FGGY: variants seen among roughly 807,000 people sequenced by gnomAD.
The protein encoded by FGGY is FGGY carbohydrate kinase domain-containing protein.
Under a neutral mutation model 71.3 loss-of-function variants are expected in FGGY, and 72 were observed. That is an observed-to-expected ratio of 1.01 (90% CI 0.84 to 1.23). The LOEUF (loss-of-function observed/expected upper bound fraction) is 1.23, where lower values mean the gene tolerates loss of function less well. FGGY is among the 50% of genes most tolerant of loss of function. The pLI is 0.00. For synonymous variants in FGGY, 251 were observed against 250.3 expected (o/e 1.00, Z -0.02); for missense variants, 668 against 682.3 (o/e 0.98, Z 0.23).
chr1:59,678,684 G>A (rs918965802), intron 14 of FGGY, among the ~76,000 whole-genome samples: 3 of 152,132 alleles, frequency 2.0e-5, no homozygotes, highest in Non-Finnish European at 2.9e-5. Context: ...ATCTTCAGGG[G>A]CAGTTTTTAT....
chr1:59,554,337 C>A, intron 8 of FGGY, 110 bp downstream of exon 8: 2 of 755,642 alleles, frequency 2.6e-6, no homozygotes, highest in African/African-American at 1.7e-5. Context: ...CTTTTCCCTG[C>A]CTGCCCCTTG....
intron 8 of FGGY, among the ~76,000 whole-genome samples, chr1:59,560,188 C>A (rs1302480965): frequency 6.6e-6 from 1 of 152,204 alleles, no homozygotes; most frequent in East Asian, 1.9e-4. Flanking sequence ...ATCCCCCAAT[C>A]CTATAAGCCC....
chr1:59,547,808 A>G (rs2153697091), intron 7 of FGGY, among the ~76,000 whole-genome samples: 1 of 152,338 alleles, frequency 6.6e-6, no homozygotes, highest in South Asian at 2.1e-4. Flanking sequence ...TATTTAAGAC[A>G]CGGAGCCTTT....
intron 6 of FGGY, among the ~76,000 whole-genome samples, chr1:59,467,161 C>CTATG (rs2092685575): frequency 6.6e-6 from 1 of 152,118 alleles, no homozygotes; most frequent in Non-Finnish European, 1.5e-5. Context: ...CCATGGAATA[C>CTATG]TATGCAGCAA....
chr1:59,588,724 C>A lies in FGGY; in HGVS notation c.904-19079C>A, dbSNP rs552634770. Among the ~76,000 whole-genome samples the A allele has an allele frequency of 5.3e-4, 80 of 152,258 alleles. 3 individuals carry two copies. The South Asian group carries it at 0.016, about 30-fold the overall frequency. On this transcript the variant is annotated intron_variant, in intron 8 of 15. Transcript: ENST00000303721. ...AGTGAAGGAGAAATAAAATACTTTACAGACAAGCCAATGCTGAGAGATTTT... is the reference window on the plus strand; with the variant it reads ...AGTGAAGGAGAAATAAAATACTTTAAAGACAAGCCAATGCTGAGAGATTTT...
intron 14 of FGGY, among the ~76,000 whole-genome samples, chr1:59,687,932 C>T (rs1379193479): frequency 6.6e-6 from 1 of 151,818 alleles, no homozygotes; most frequent in Non-Finnish European, 1.5e-5. Flanking sequence ...GAATTCACTT[C>T]TCCTCCTCTC....
rs572348062 is a variant in FGGY, at chr1:59,581,781, G to T, written c.904-26022G>T. Among the ~76,000 whole-genome samples, 6 of 150,032 alleles carry T rather than the reference G, an allele frequency of 4.0e-5. No homozygotes were observed. In the East Asian group the frequency reaches 7.8e-4, roughly 19 times the overall value. On this transcript the variant is annotated intron_variant, in intron 8 of 15. Coordinates refer to ENST00000303721, the MANE Select transcript of FGGY (RefSeq NM_018291.5). Reference sequence around the variant, plus strand: ...TATAGATGAGAGAAAGTACATAAGTGGTTTACCCAGCTAGTAAGTAGCAGA... The same window carrying T: ...TATAGATGAGAGAAAGTACATAAGTTGTTTACCCAGCTAGTAAGTAGCAGA...
At chr1:59,519,988 G>A (rs2094778759) in intron 7 of FGGY, among the ~76,000 whole-genome samples, 1 of 152,184 alleles carries the variant, frequency 6.6e-6, no homozygotes, top group African/African-American at 2.4e-5. Flanking sequence ...CTGGGGAAAG[G>A]GAAATGGCAC....
chr1:59,494,406 G>A (rs886624161), intron 6 of FGGY, among the ~76,000 whole-genome samples: 1 of 152,152 alleles, frequency 6.6e-6, no homozygotes, highest in African/African-American at 2.4e-5. Flanking sequence ...CAGAGGCCCA[G>A]GGCTGGGAAT....
chr1:59,432,032 C>T (rs2067470351), intron 5 of FGGY, among the ~76,000 whole-genome samples: 1 of 152,154 alleles, frequency 6.6e-6, no homozygotes, highest in African/African-American at 2.4e-5. Flanking sequence ...CAGCCCTACT[C>T]CCCACATCCA....
intron 9 of FGGY, among the ~76,000 whole-genome samples, chr1:59,612,203 C>T (rs926302391): frequency 2.0e-5 from 3 of 152,104 alleles, no homozygotes; most frequent in South Asian, 2.1e-4. Flanking sequence ...GTCAGATTCA[C>T]CAAAGTTGAA....
chr1:59,305,427 CT>C (rs2043305024), intron 1 of FGGY, among the ~76,000 whole-genome samples: 1 of 152,080 alleles, frequency 6.6e-6, no homozygotes, highest in Non-Finnish European at 1.5e-5. Context: ...GGTGAATGAT[CT>C]TCTTAATGTG....
chr1:59,659,193 C>A (rs1343700483), intron 11 of FGGY, among the ~76,000 whole-genome samples: 1 of 152,140 alleles, frequency 6.6e-6, no homozygotes, highest in Non-Finnish European at 1.5e-5. Context: ...CAAAGCAAGA[C>A]TCTGTCTCAA....
At chr1:59,571,919 A>G (rs2095993250) in intron 8 of FGGY, among the ~76,000 whole-genome samples, 1 of 152,228 alleles carries the variant, frequency 6.6e-6, no homozygotes, top group African/African-American at 2.4e-5. Flanking sequence ...AAAAATGCCT[A>G]CAAAAGCACT....
intron 14 of FGGY, among the ~76,000 whole-genome samples, chr1:59,681,393 C>T (rs1255974447): frequency 6.6e-6 from 1 of 152,094 alleles, no homozygotes; most frequent in Non-Finnish European, 1.5e-5. Context: ...TAAAAGCAAC[C>T]AAGGGCTAAA....
chr1:59,637,275 A>G (rs1010802917), intron 10 of FGGY, among the ~76,000 whole-genome samples: 5 of 152,160 alleles, frequency 3.3e-5, no homozygotes, highest in African/African-American at 9.7e-5. Context: ...TCACCTGAAC[A>G]TGTAAAGAAT....
At chr1:59,642,514 A>T (rs534186111) in intron 11 of FGGY, among the ~76,000 whole-genome samples, 6 of 151,588 alleles carry the variant, frequency 4.0e-5, no homozygotes, top group Non-Finnish European at 5.9e-5. Context: ...AATCCCAGCT[A>T]CTCAGGAGGC....
intron 6 of FGGY, among the ~76,000 whole-genome samples, chr1:59,507,684 A>ATTTTTTTTTTTTTTTT (rs561953004): frequency 1.8e-3 from 190 of 106,884 alleles, no homozygotes; most frequent in African/African-American, 3.0e-3. Flanking sequence ...TGCTTGGCTA[A>ATTTTTTTTTTTTTTTT]TTTTTTTTTT....
At chr1:59,500,259 T>A (rs2153606476) in intron 6 of FGGY, among the ~76,000 whole-genome samples, 1 of 152,288 alleles carries the variant, frequency 6.6e-6, no homozygotes, top group African/African-American at 2.4e-5. Context: ...TCTTTAAGGA[T>A]CAGCAACAGT....
Sources: allele counts gnomAD v4.1 joint callset (sites outside exome capture counted in the v4.1 genomes callset), GRCh38; gene constraint gnomAD v4.1.1; transcripts MANE v1.5; gene names NCBI Gene and HGNC (gene_info 2026-07-23, HGNC 2026-07-21).